The following DGKE variants were observed in gnomAD, a reference collection of about 807,000 sequenced individuals.
The protein encoded by DGKE is diacylglycerol kinase epsilon, also known as DAG kinase epsilon.
DGKE carries 53 observed loss-of-function variants against 70.0 expected under a neutral mutation model. The observed-to-expected ratio is 0.76, with a 90% CI of 0.61 to 0.95. The LOEUF is 0.95. Ranked by LOEUF, DGKE falls within the 40% of genes least tolerant of loss-of-function variation. The pLI is 0.00. For synonymous variants in DGKE, 291 were observed against 257.0 expected (o/e 1.13, Z -1.27); for missense variants, 655 against 706.9 (o/e 0.93, Z 0.83).
intron 5 of DGKE, among the ~76,000 whole-genome samples, 181 bp from the exon 6 acceptor site, chr17:56,848,514 GC>G (rs1290128479): frequency 6.6e-6 from 1 of 152,128 alleles, no homozygotes; most frequent in East Asian, 1.9e-4. Context: ...ATTAGACATT[GC>G]CAGCTTCAAA....
intron 2 of DGKE, chr17:56,835,695 G>GT (rs1906570827): frequency 4.6e-6 from 1 of 219,398 alleles, no homozygotes; most frequent in Admixed American, 5.7e-5. Context: ...GAAAACAAGT[G>GT]TCATTCCAAG....
At chr17:56,846,035 T>C in intron 4 of DGKE, 1 of 318,068 alleles carries the variant, frequency 3.1e-6, no homozygotes, top group Non-Finnish European at 5.5e-6. Flanking sequence ...AAATATAAAT[T>C]TATTATATCT....
chr17:56,847,218 G>A (rs1331960607), intron 4 of DGKE: 1 of 100,986 alleles, frequency 9.9e-6, no homozygotes, highest in African/African-American at 3.3e-5. Context: ...GTGCTAAGTT[G>A]CACTGGTGAT....
chr17:56,862,108 A>G (rs760301792), intron 10 of DGKE, 32 bp from the exon 11 acceptor site: 2 of 1,605,908 alleles, frequency 1.2e-6, no homozygotes, highest in South Asian at 1.1e-5. Context: ...TTATTGCATC[A>G]TATAATCCAT....
In DGKE at chr17:56,835,200, C is replaced by G; in HGVS notation, c.405C>G (p.Cys135Trp). 6.2e-7 allele frequency: 1 copy of G among 1,613,940 alleles called. No individual in the cohort carries two copies. Among genetic ancestry groups the G allele is most frequent in the Non-Finnish European group, 8.5e-7 (1 of 1,180,030 alleles). The change falls in exon 2 of 12, where the codon TGC becomes TGG. Residue 135 changes from cysteine (C) to tryptophan (W), a missense_variant. Transcript: ENST00000284061. ...GGATCCGGGGCAACGTGCCCCTGTG[C>G]AGTTACTGTATGGTTTGCAAGCAGC... The part of the protein sequence containing the change: ...HHWIRGNVPL[C>W]SYCMVCKQQC...
At chr17:56,849,502 A>C (rs138327328) in intron 7 of DGKE, among the ~76,000 whole-genome samples, 215 of 152,326 alleles carry the variant, frequency 1.4e-3, no homozygotes, top group Admixed American at 2.5e-3. Flanking sequence ...CTTTCCAGGC[A>C]GAGGGAAAAG....
intron 9 of DGKE, among the ~76,000 whole-genome samples, chr17:56,860,460 C>G (rs900246697): frequency 6.6e-6 from 1 of 152,202 alleles, no homozygotes; most frequent in Non-Finnish European, 1.5e-5. Context: ...ACCCAGCAGG[C>G]AGAGGCTACA....
chr17:56,839,643 C>G (rs1906404394), intron 2 of DGKE, among the ~76,000 whole-genome samples: 1 of 152,102 alleles, frequency 6.6e-6, no homozygotes. Context: ...CTCAGCCTTC[C>G]AAGTAGCTGG....
At chr17:56,840,767 G>T (rs138089854) in intron 2 of DGKE, among the ~76,000 whole-genome samples, 12 of 152,066 alleles carry the variant, frequency 7.9e-5, no homozygotes, top group African/African-American at 1.4e-4. Context: ...AATTAAAGAT[G>T]TAACTATGAC....
At chr17:56,838,262 TA>T (rs1906753412) in intron 2 of DGKE, among the ~76,000 whole-genome samples, 1 of 152,240 alleles carries the variant, frequency 6.6e-6, no homozygotes, top group Admixed American at 6.5e-5. Flanking sequence ...GCTTTGATCA[TA>T]AATTTTGTTT....
rs1376982209 is a variant in DGKE, at chr17:56,834,831, C to T, written c.36C>T (p.Pro12=). Reference sequence around the variant, plus strand: ...AGAGGCGGCCGGCGCCGGGCTCGCCCTCCGAGGGCCTGTTTGCGGACGGGC... The same window carrying T: ...AGAGGCGGCCGGCGCCGGGCTCGCCTTCCGAGGGCCTGTTTGCGGACGGGC... ...EAERRPAPGS[P]SEGLFADGHL... The change falls in exon 2 of 12, where the codon CCC becomes CCT. Residue 12 remains proline, a synonymous_variant. Transcript: ENST00000284061. 2 of 1,609,156 alleles carry T rather than the reference C, an allele frequency of 1.2e-6. No individual in the cohort carries two copies. Among genetic ancestry groups the T allele is most frequent in the Non-Finnish European group, 1.7e-6 (2 of 1,178,194 alleles).
chr17:56,844,319 G>A lies in DGKE; in HGVS notation c.624+141G>A, dbSNP rs9907612. On this transcript the variant is annotated intron_variant, in intron 3 of 11. Coordinates refer to ENST00000284061, the MANE Select transcript of DGKE (RefSeq NM_003647.3). ...AAATAACAGATCAAGACCAAGGAGA[G>A]AAATAAAATGCTATTATGGTAAGCC... The A allele has an allele frequency of 1.8e-4, 100 of 554,666 alleles. No homozygotes were observed. The African/African-American group carries it at 1.9e-3, about 11-fold the overall frequency. The allele number at this position is 554,666 out of a possible 1,614,324, so 34.4% of individuals were successfully genotyped here. A position where few individuals can be genotyped will look rare whatever the true frequency, so the allele number is the denominator to read the frequency against.
intron 2 of DGKE, among the ~76,000 whole-genome samples, chr17:56,840,884 A>G (rs1338282617): frequency 6.6e-6 from 1 of 152,302 alleles, no homozygotes; most frequent in East Asian, 1.9e-4. Flanking sequence ...CTAGCTACTC[A>G]GGAGACTGAG....
At chr17:56,840,329 C>G (rs1282049014) in intron 2 of DGKE, among the ~76,000 whole-genome samples, 2 of 151,940 alleles carry the variant, frequency 1.3e-5, no homozygotes, top group Non-Finnish European at 2.9e-5. Flanking sequence ...CATAATACGC[C>G]AGATTTATTA....
chr17:56,845,561 A>G (rs1907229176), intron 3 of DGKE, 129 bp from the exon 4 acceptor site: 1 of 924,374 alleles, frequency 1.1e-6, no homozygotes, highest in Non-Finnish European at 1.5e-6. Context: ...TTTGATTTTT[A>G]TATTGAATTG....
At chr17:56,838,132 T>G (rs1906742422) in intron 2 of DGKE, among the ~76,000 whole-genome samples, 2 of 152,220 alleles carry the variant, frequency 1.3e-5, no homozygotes, top group Non-Finnish European at 2.9e-5. Flanking sequence ...GCTTTTTAAT[T>G]TATTGGACTT....
At chr17:56,846,214 A>G (rs1036284855) in intron 4 of DGKE, 2 of 153,574 alleles carry the variant, frequency 1.3e-5, no homozygotes, top group African/African-American at 4.8e-5. Flanking sequence ...ATGTAGCCCT[A>G]CAATGGAATA....
rs1332576557 is a variant in DGKE, at chr17:56,868,795, T to C, written c.*6004T>C. 1 of 152,220 alleles carries C rather than the reference T, an allele frequency of 6.6e-6. No homozygotes were observed. The highest frequency in any genetic ancestry group is 2.4e-5 in the African/African-American group (1 of 41,454). The allele number at this position is 152,220 out of a possible 1,614,324, so 9.4% of individuals were successfully genotyped here. The stretch of plus-strand genomic sequence containing the variant: ...CAAACATATATGTGGCAAGTTCTGA[T>C]CACATACTTTTAGACAGAAAGAATA... On this transcript the variant is annotated 3_prime_UTR_variant, in exon 12 of 12. Coordinates refer to ENST00000284061, the MANE Select transcript of DGKE (RefSeq NM_003647.3).
rs2144309568 is a variant in DGKE, at chr17:56,864,723, GT to G, written c.*1935del. ...TAAATCCACTTTGCTGTAGGTTATA[GT>G]TTACCTGTTATATAATTCGTAGTGC... On this transcript the variant is annotated 3_prime_UTR_variant, in exon 12 of 12. Transcript: ENST00000284061. The G allele has an allele frequency of 6.6e-6, 1 of 152,002 alleles. No homozygotes were observed. The highest frequency in any genetic ancestry group is 1.5e-5 in the Non-Finnish European group (1 of 67,972). 9.4% of individuals were successfully genotyped at this position (152,002 alleles called of 1,614,324 possible). A position where few individuals can be genotyped will look rare whatever the true frequency, so the allele number is the denominator to read the frequency against.
Sources: allele counts gnomAD v4.1 joint callset (sites outside exome capture counted in the v4.1 genomes callset), GRCh38; gene constraint gnomAD v4.1.1; transcripts MANE v1.5; gene names NCBI Gene and HGNC (gene_info 2026-07-23, HGNC 2026-07-21).